The following PFKFB4 variants were observed in gnomAD, a reference collection of about 807,000 sequenced individuals.
PFKFB4 encodes the protein 6-phosphofructo-2-kinase/fructose-2,6-biphosphatase 4, also known as 6-phosphofructo-2-kinase/fructose-2,6-bisphosphatase 4.
In PFKFB4, 42 loss-of-function variants were observed where a neutral mutation model predicts 62.8. That is an observed-to-expected ratio of 0.67 (90% confidence interval 0.52 to 0.86). PFKFB4 has a LOEUF of 0.86. PFKFB4 is among the 40% of genes least tolerant of loss of function. The pLI, the probability that PFKFB4 is intolerant of heterozygous loss-of-function variation, is 0.00. For missense variants in PFKFB4, 475 were observed against 627.2 expected (o/e 0.76, Z 2.59); for synonymous variants, 204 against 240.7 (o/e 0.85, Z 1.41).
intron 8 of PFKFB4, 43 bp downstream of exon 8, chr3:48,536,213 C>G (rs777986339): frequency 1.9e-6 from 3 of 1,560,744 alleles, no homozygotes; most frequent in Non-Finnish European, 2.6e-6. Flanking sequence ...ACGCAGGGTA[C>G]AAATGCAGGC....
At chr3:48,524,398 C>T (rs985838619) in intron 10 of PFKFB4, among the ~76,000 whole-genome samples, 49 of 152,340 alleles carry the variant, frequency 3.2e-4, no homozygotes, top group Non-Finnish European at 4.4e-5. Flanking sequence ...TCCTTCTGCA[C>T]ACAATGAGTG....
chr3:48,518,896 C>A lies in PFKFB4; in HGVS notation c.*851G>T, dbSNP rs2042000019. 6.6e-6 allele frequency: 1 copy of A among 152,240 alleles called. No individual in the cohort carries two copies. The highest frequency in any genetic ancestry group is 2.4e-5 in the African/African-American group (1 of 41,470). The allele number at this position is 152,240 out of a possible 1,614,324, so 9.4% of individuals were successfully genotyped here. On this transcript the variant is annotated 3_prime_UTR_variant, in exon 14 of 14. Coordinates refer to ENST00000232375, the MANE Select transcript of PFKFB4 (RefSeq NM_004567.4). ...CAGGGAAGGGGAGAGGGGGCGGCAG[C>A]CTCTCCCTCGAGCACTTCGGTGTGT... is the stretch of plus-strand genomic sequence containing the variant.
At chr3:48,525,705 GC>G in intron 9 of PFKFB4, 36 bp from the exon 10 acceptor site, 1 of 1,242,106 alleles carries the variant, frequency 8.1e-7, no homozygotes, top group Non-Finnish European at 1.2e-6. Context: ...CCTCCTACAG[GC>G]CCAGAAGATG....
At chr3:48,555,028 C>T (rs1033030150) in intron 1 of PFKFB4, among the ~76,000 whole-genome samples, 1 of 128,942 alleles carries the variant, frequency 7.8e-6, no homozygotes, top group Non-Finnish European at 1.6e-5. Flanking sequence ...ACAACCTGGG[C>T]AACAAGAGTG....
chr3:48,561,187 A>AAG, upstream of PFKFB4: 1 of 816,698 alleles, frequency 1.2e-6, no homozygotes. The surrounding 1 kb of genome is among the most constrained non-coding windows in gnomAD (Gnocchi z 5.2). Context: ...TAGCACTCTG[A>AAG]AGAGAGAGAA....
In PFKFB4 at chr3:48,556,610, C is replaced by A; in HGVS notation, c.97+71G>T. ...TCTCCCGCCCCTTCTCCATGCGAGA[C>A]CCCCGCCCAGGCCGCCCTACCCACC... On this transcript the variant is annotated intron_variant, in intron 1 of 13. Coordinates refer to ENST00000232375, the MANE Select transcript of PFKFB4 (RefSeq NM_004567.4). The surrounding 1 kb of genome is among the most constrained non-coding windows in gnomAD (Gnocchi z 5.7). 4.7e-6 allele frequency: 7 copies of A among 1,491,286 alleles called. No homozygotes were observed. The highest frequency in any genetic ancestry group is 6.3e-6 in the Non-Finnish European group (7 of 1,102,606). 92.4% of individuals were successfully genotyped at this position (1,491,286 alleles called of 1,614,324 possible).
intron 7 of PFKFB4, 39 bp from the exon 8 acceptor site, chr3:48,536,502 G>C: frequency 1.3e-6 from 2 of 1,526,970 alleles, no homozygotes; most frequent in Non-Finnish European, 9.0e-7. Flanking sequence ...TGTGAGCGTG[G>C]CCAGGGTTCT....
rs539211857 is a variant in PFKFB4, at chr3:48,519,742, C to T, written c.*5G>A. The T allele has an allele frequency of 1.2e-5, 20 of 1,611,220 alleles. No individual in the cohort carries two copies. In the African/African-American group the frequency reaches 2.5e-4, roughly 20 times the overall value. On this transcript the variant is annotated 3_prime_UTR_variant, in exon 14 of 14. Transcript: ENST00000232375. ...CTGCCTAGTGGTCACAGTGGATGAACATGGTCACTGGTGAGCAGGCACCGT... is the reference window on the plus strand; with the variant it reads ...CTGCCTAGTGGTCACAGTGGATGAATATGGTCACTGGTGAGCAGGCACCGT...
intron 4 of PFKFB4, 68 bp downstream of exon 4, chr3:48,543,512 A>G: frequency 7.1e-7 from 1 of 1,418,364 alleles, no homozygotes; most frequent in South Asian, 1.2e-5. Context: ...ATGCCTGACG[A>G]GCAAAGGCAC....
Position 48,550,203 on chromosome 3 carries a change from G to A in PFKFB4, c.129C>T (p.Val43=), listed in dbSNP as rs1250980537. 6.2e-7 allele frequency: 1 copy of A among 1,613,916 alleles called. No individual in the cohort carries two copies. The highest frequency in any genetic ancestry group is 1.3e-5 in the African/African-American group (1 of 74,924). Residue 43 remains valine (V), a synonymous_variant, in exon 2 of 14, where the codon GTC becomes GTT. Transcript: ENST00000232375. ...TGCCCCTGGCGGGCAGGCCCACCAT[G>A]ACAATGAGAGTTGGGCAGTTGGTCA... ...VCMTNCPTLI[V]MVGLPARGKT...
In PFKFB4 at chr3:48,517,725, A is replaced by C. The variant is rs541635576; in HGVS notation, c.*2022T>G. ...ATTTATTGCAAAGAATGCTGGACAC[A>C]GTGTTGCATGTGGCTGAGATTCAAT... On this transcript the variant is annotated 3_prime_UTR_variant, in exon 14 of 14. Coordinates refer to ENST00000232375, the MANE Select transcript of PFKFB4 (RefSeq NM_004567.4). The C allele has an allele frequency of 6.5e-6, 1 of 152,828 alleles. No individual in the cohort carries two copies. Among genetic ancestry groups the C allele is most frequent in the South Asian group, 2.1e-4 (1 of 4,832 alleles). 9.5% of individuals were successfully genotyped at this position (152,828 alleles called of 1,614,324 possible). A position where few individuals can be genotyped will look rare whatever the true frequency, so the allele number is the denominator to read the frequency against.
rs1336448275 is a variant in PFKFB4, at chr3:48,549,848, C to A, written c.311+16G>T. The A allele has an allele frequency of 6.6e-7, 1 of 1,515,040 alleles. No homozygotes were observed. Among genetic ancestry groups the A allele is most frequent in the East Asian group, 2.3e-5 (1 of 44,362 alleles). The allele number at this position is 1,515,040 out of a possible 1,614,324, so 93.8% of individuals were successfully genotyped here. A position where few individuals can be genotyped will look rare whatever the true frequency, so the allele number is the denominator to read the frequency against. The stretch of plus-strand genomic sequence containing the variant: ...CCCCAGCAACCTCTCCCCCCACACC[C>A]AACACATATACTTACTTCCTGATTT... On this transcript the variant is annotated intron_variant, in intron 3 of 13. Transcript: ENST00000232375.
upstream of PFKFB4, among the ~76,000 whole-genome samples, chr3:48,557,585 GGAGTGCAATGGCGCTATCTT>G (rs2043362245): frequency 6.6e-6 from 1 of 152,118 alleles, no homozygotes; most frequent in Admixed American, 6.5e-5. Context: ...TGCCCAGGCT[GGAGTGCAATGGCGCTATCTT>G]GGCTCACTGC....
At chr3:48,522,315 C>T (rs1243358863) in intron 12 of PFKFB4, among the ~76,000 whole-genome samples, 1 of 152,168 alleles carries the variant, frequency 6.6e-6, no homozygotes, top group Admixed American at 6.5e-5. Flanking sequence ...CGAGAGGGAT[C>T]GGGGGAACAG....
intron 1 of PFKFB4, among the ~76,000 whole-genome samples, chr3:48,554,238 C>T (rs1041716746): frequency 1.3e-5 from 2 of 152,214 alleles, no homozygotes; most frequent in African/African-American, 2.4e-5. Flanking sequence ...CCACACCCTC[C>T]GGGTCCAGAC....
chr3:48,541,419 G>C (rs1191486195), intron 4 of PFKFB4, among the ~76,000 whole-genome samples: 1 of 151,762 alleles, frequency 6.6e-6, no homozygotes, highest in East Asian at 1.9e-4. Flanking sequence ...GTGAGCCACC[G>C]CACCTGGCCC....
chr3:48,561,290 C>A (rs1459947887), upstream of PFKFB4: 1 of 279,470 alleles, frequency 3.6e-6, no homozygotes, highest in Non-Finnish European at 7.1e-6. The surrounding 1 kb of genome is among the most constrained non-coding windows in gnomAD (Gnocchi z 5.2). Flanking sequence ...AGCGCCAGTG[C>A]CCCCACTCCA....
Position 48,518,285 on chromosome 3 carries a change from G to A in PFKFB4, c.*1462C>T, listed in dbSNP as rs2041979531. 1.3e-5 allele frequency: 2 copies of A among 152,570 alleles called. No homozygotes were observed. The highest frequency in any genetic ancestry group is 2.9e-5 in the Non-Finnish European group (2 of 68,306). The allele number at this position is 152,570 out of a possible 1,614,324, so 9.5% of individuals were successfully genotyped here. A position where few individuals can be genotyped will look rare whatever the true frequency, so the allele number is the denominator to read the frequency against. On this transcript the variant is annotated 3_prime_UTR_variant, in exon 14 of 14. Coordinates refer to ENST00000232375, the MANE Select transcript of PFKFB4 (RefSeq NM_004567.4). ...ATGAGAGACCACCGGCCAGGGCCAG[G>A]GACGCTAACTTCTCTCAGGGACAGG...
chr3:48,524,523 G>C (rs2042196294), intron 10 of PFKFB4, among the ~76,000 whole-genome samples: 1 of 152,224 alleles, frequency 6.6e-6, no homozygotes, highest in Non-Finnish European at 1.5e-5. Flanking sequence ...GAAAATCCTA[G>C]ACCGGTTCTT....
Sources: gnomAD v4.1 joint callset for allele counts (sites outside exome capture counted in the v4.1 genomes callset) on GRCh38, gnomAD v4.1.1 for gene constraint, Gnocchi (gnomAD v3.1) non-coding constraint, MANE v1.5 for transcripts, NCBI Gene and HGNC (gene_info 2026-07-23, HGNC 2026-07-21) for gene names.